CNTN5: variants seen among roughly 807,000 people sequenced by gnomAD.
CNTN5 encodes the protein contactin 5, also known as contactin-5.
CNTN5 carries 77 observed loss-of-function variants against 129.1 expected under a neutral mutation model. That is an observed-to-expected ratio of 0.60 (90% confidence interval 0.50 to 0.72). CNTN5 has a LOEUF of 0.72. CNTN5 is among the 30% of genes least tolerant of loss of function. The pLI is 0.00. For synonymous variants in CNTN5, 509 were observed against 465.6 expected, an observed-to-expected ratio of 1.09 and a Z score of -1.20; for missense variants, 1,478 against 1,328.8, an observed-to-expected ratio of 1.11 and a Z score of -1.75.
chr11:100,207,321 A>T (rs892486270), intron 15 of CNTN5, among the ~76,000 whole-genome samples: 1 of 152,176 alleles, frequency 6.6e-6, no homozygotes, highest in Non-Finnish European at 1.5e-5. Context: ...AAGGTTGTTC[A>T]ACCAACTAGC....
intron 2 of CNTN5, among the ~76,000 whole-genome samples, chr11:99,406,735 G>A (rs1282827658): frequency 6.6e-6 from 1 of 152,176 alleles, no homozygotes; most frequent in Non-Finnish European, 1.5e-5. Context: ...GTGTTCTGTT[G>A]TACTGCAGCT....
At chr11:99,327,544 T>C (rs1400099365) in intron 2 of CNTN5, among the ~76,000 whole-genome samples, 1 of 152,144 alleles carries the variant, frequency 6.6e-6, no homozygotes, top group Non-Finnish European at 1.5e-5. Flanking sequence ...GCCATTTTTG[T>C]TGTTGCTCCT....
chr11:100,318,501 C>G (rs1482748341), intron 21 of CNTN5, among the ~76,000 whole-genome samples: 1 of 151,926 alleles, frequency 6.6e-6, no homozygotes, highest in Non-Finnish European at 1.5e-5. Flanking sequence ...GACTAATTGC[C>G]AATTAGTAAA....
intron 16 of CNTN5, among the ~76,000 whole-genome samples, chr11:100,226,491 GCT>G (rs1322831161): frequency 6.6e-6 from 1 of 152,130 alleles, no homozygotes; most frequent in African/African-American, 2.4e-5. Flanking sequence ...TTCATGTTCT[GCT>G]CTTTTAGCCT....
intron 3 of CNTN5, among the ~76,000 whole-genome samples, chr11:99,815,999 G>T (rs1449838995): frequency 6.6e-6 from 1 of 152,060 alleles, no homozygotes; most frequent in East Asian, 1.9e-4. Flanking sequence ...TTCCTTCAGT[G>T]AGCCTTCAAC....
At chr11:99,199,116 A>G (rs1859043767) in intron 1 of CNTN5, among the ~76,000 whole-genome samples, 1 of 152,302 alleles carries the variant, frequency 6.6e-6, no homozygotes, top group African/African-American at 2.4e-5. Context: ...CAAGTTTTCT[A>G]ATATAACAAT....
chr11:99,537,836 G>C (rs1179387042), intron 2 of CNTN5, among the ~76,000 whole-genome samples: 6 of 152,130 alleles, frequency 3.9e-5, no homozygotes, highest in African/African-American at 1.4e-4. Flanking sequence ...GAATAGCAGA[G>C]GTAGCCTCAG....
At chr11:99,333,368 G>C (rs1185684073) in intron 2 of CNTN5, among the ~76,000 whole-genome samples, 1 of 151,922 alleles carries the variant, frequency 6.6e-6, no homozygotes, top group Non-Finnish European at 1.5e-5. Flanking sequence ...AATTGTAGTT[G>C]CTTATACTTA....
chr11:100,262,870 A>C (rs1206980684), intron 17 of CNTN5, among the ~76,000 whole-genome samples: 1 of 152,142 alleles, frequency 6.6e-6, no homozygotes, highest in Non-Finnish European at 1.5e-5. Flanking sequence ...GCAAACCACC[A>C]TGGCATGTGT....
intron 1 of CNTN5, among the ~76,000 whole-genome samples, chr11:99,199,788 C>A (rs952153510): frequency 6.6e-6 from 1 of 152,176 alleles, no homozygotes; most frequent in African/African-American, 2.4e-5. Flanking sequence ...GAAATACACT[C>A]TAATTAGAGA....
chr11:99,316,994 G>C (rs1171339532), intron 1 of CNTN5, among the ~76,000 whole-genome samples: 1 of 152,134 alleles, frequency 6.6e-6, no homozygotes, highest in Non-Finnish European at 1.5e-5. Context: ...GAAAAGCAAG[G>C]AAGATCTTTT....
chr11:99,893,715 T>C (rs978611755), intron 6 of CNTN5, among the ~76,000 whole-genome samples: 2 of 152,212 alleles, frequency 1.3e-5, no homozygotes, highest in Admixed American at 6.5e-5. Flanking sequence ...TGGTAACATA[T>C]GTTCTGATAA....
chr11:99,864,458 A>G (rs1948301488), intron 6 of CNTN5, among the ~76,000 whole-genome samples: 1 of 151,956 alleles, frequency 6.6e-6, no homozygotes, highest in South Asian at 2.1e-4. Context: ...CACCCTTTTT[A>G]GATGATGTTT....
At chr11:99,231,789 A>C (rs886600558) in intron 1 of CNTN5, among the ~76,000 whole-genome samples, 3 of 152,138 alleles carry the variant, frequency 2.0e-5, no homozygotes, top group Admixed American at 2.0e-4. Flanking sequence ...TGGGTTTTAC[A>C]TTTAAGTCTT....
intron 1 of CNTN5, among the ~76,000 whole-genome samples, chr11:99,239,125 A>T (rs1314749539): frequency 1.3e-5 from 2 of 152,056 alleles, no homozygotes; most frequent in African/African-American, 4.8e-5. Context: ...TGATCACATA[A>T]CTGATGAATA....
chr11:99,267,916 A>ACACG (rs1207601748), intron 1 of CNTN5, among the ~76,000 whole-genome samples: 55 of 99,886 alleles, frequency 5.5e-4, no homozygotes, highest in African/African-American at 2.4e-3. Flanking sequence ...ACACACACAC[A>ACACG]CACGCACACA....
intron 8 of CNTN5, among the ~76,000 whole-genome samples, chr11:99,957,257 A>G (rs1193275615): frequency 1.3e-5 from 2 of 152,188 alleles, no homozygotes; most frequent in Non-Finnish European, 2.9e-5. Flanking sequence ...GAAAGGGAGA[A>G]AGAATCTGAT....
chr11:99,408,452 A>AAGAAAGAAAGAAAGAAAG lies in CNTN5; in HGVS notation c.-71+82970_-71+82987dup, dbSNP rs1565557920. On this transcript the variant is annotated intron_variant, in intron 2 of 24. Coordinates refer to ENST00000524871, the MANE Select transcript of CNTN5 (RefSeq NM_014361.4). ...AAAAAGAAAGAAAGAAAGAAAGAGA[A>AAGAAAGAAAGAAAGAAAG]AGAAAGAAAGAAAGAAAGAAAGAAA... is the stretch of plus-strand genomic sequence containing the variant. Among the ~76,000 whole-genome samples, 195 of 91,018 alleles carry AAGAAAGAAAGAAAGAAAG rather than the reference A, an allele frequency of 2.1e-3. 1 individual carries two copies. The highest frequency in any genetic ancestry group is 3.2e-3 in the Non-Finnish European group (143 of 44,694). The allele number at this position is 91,018 out of a possible 152,430, so 59.7% of individuals were successfully genotyped here.
chr11:99,820,021 C>G (rs1358731358), intron 4 of CNTN5, among the ~76,000 whole-genome samples: 1 of 152,120 alleles, frequency 6.6e-6, no homozygotes, highest in Non-Finnish European at 1.5e-5. Flanking sequence ...TAGGCTACTA[C>G]CTTTTCATAG....
Sources: allele counts gnomAD v4.1 joint callset (sites outside exome capture counted in the v4.1 genomes callset), GRCh38; gene constraint gnomAD v4.1.1; transcripts MANE v1.5; gene names NCBI Gene and HGNC (gene_info 2026-07-23, HGNC 2026-07-21).